Variants in GABRG2 observed in about 807,000 individuals in gnomAD.
GABRG2 encodes the protein gamma-aminobutyric acid receptor subunit gamma-2.
A neutral mutation model predicts 56.4 loss-of-function variants in GABRG2; 16 were observed. The observed-to-expected ratio is 0.28, with a 90% CI of 0.19 to 0.43. The LOEUF (loss-of-function observed/expected upper bound fraction) is 0.43. GABRG2 is among the 20% of genes least tolerant of loss of function. The probability of loss-of-function intolerance (pLI) is 1.00; values close to 1 mark genes in which losing one functional copy is unlikely to be tolerated. For missense variants in GABRG2, 327 were observed against 582.7 expected (o/e 0.56, Z 4.52); for synonymous variants, 208 against 205.5 (o/e 1.01, Z -0.10).
intron 6 of GABRG2, among the ~76,000 whole-genome samples, chr5:162,116,056 CCTGA>C (rs1308322555): frequency 6.6e-6 from 1 of 151,322 alleles, no homozygotes; most frequent in Non-Finnish European, 1.5e-5. Context: ...ACTCATCTTT[CCTGA>C]CTGACAGTCT....
intron 6 of GABRG2, among the ~76,000 whole-genome samples, chr5:162,120,093 G>A (rs558501033): frequency 6.6e-6 from 1 of 152,056 alleles, no homozygotes; most frequent in Non-Finnish European, 1.5e-5. Flanking sequence ...TACTTGAGCA[G>A]CCTTTGCTGA....
At chr5:162,117,480 T>C (rs573559152) in intron 6 of GABRG2, among the ~76,000 whole-genome samples, 20 of 152,274 alleles carry the variant, frequency 1.3e-4, no homozygotes, top group African/African-American at 4.8e-4. Context: ...CAGTCCTGTG[T>C]AAGAGGAAGA....
At chr5:162,072,251 AATATT>A (rs1361951776) in intron 1 of GABRG2, among the ~76,000 whole-genome samples, 1 of 151,916 alleles carries the variant, frequency 6.6e-6, no homozygotes, top group Non-Finnish European at 1.5e-5. Context: ...CTTTGCTATA[AATATT>A]ATGTTACTAG....
intron 8 of GABRG2, 21 bp from the exon 9 acceptor site, chr5:162,151,709 T>G (rs757290958): frequency 1.2e-6 from 2 of 1,602,604 alleles, no homozygotes; most frequent in Non-Finnish European, 1.7e-6. Context: ...GCAATTCTCT[T>G]TTCTGTCTAC....
At chr5:162,072,986 C>A (rs766833030) in intron 1 of GABRG2, among the ~76,000 whole-genome samples, 4 of 151,606 alleles carry the variant, frequency 2.6e-5, no homozygotes, top group Non-Finnish European at 5.9e-5. Context: ...GGGTCTCAAT[C>A]CATCAATAGT....
chr5:162,104,318 C>A (rs1052403253), intron 6 of GABRG2, among the ~76,000 whole-genome samples: 1 of 151,900 alleles, frequency 6.6e-6, no homozygotes, highest in Non-Finnish European at 1.5e-5. Flanking sequence ...ATTAGATGTA[C>A]CTGTTTTAGA....
intron 6 of GABRG2, among the ~76,000 whole-genome samples, chr5:162,111,986 A>G (rs1762284692): frequency 6.6e-6 from 1 of 152,124 alleles, no homozygotes; most frequent in African/African-American, 2.4e-5. Flanking sequence ...ATATCGTTTC[A>G]TTTTTCATAA....
chr5:162,147,842 G>A (rs767550927), intron 7 of GABRG2, among the ~76,000 whole-genome samples: 7 of 152,152 alleles, frequency 4.6e-5, no homozygotes, highest in African/African-American at 9.7e-5. Context: ...TAAAAGTTGG[G>A]ATTATTGCTT....
At chr5:162,088,442 G>C (rs1322284925) in intron 1 of GABRG2, among the ~76,000 whole-genome samples, 1 of 152,148 alleles carries the variant, frequency 6.6e-6, no homozygotes, top group Non-Finnish European at 1.5e-5. Flanking sequence ...AAATGAGGCA[G>C]ATGATCACAT....
intron 6 of GABRG2, among the ~76,000 whole-genome samples, chr5:162,126,013 A>T (rs1763320282): frequency 6.6e-6 from 1 of 151,996 alleles, no homozygotes; most frequent in African/African-American, 2.4e-5. Context: ...AGGGTGAATG[A>T]AATAGTATGG....
At chr5:162,149,833 C>A in intron 8 of GABRG2, 3 of 343,882 alleles carry the variant, frequency 8.7e-6, no homozygotes, top group South Asian at 6.9e-5. Context: ...AGGCTGGTCT[C>A]GAACTCCTGA....
At position 162,097,950 on chromosome 5, in the gene GABRG2, AG is replaced by A. The variant is rs1761122576; in HGVS notation, c.548+94del. On this transcript the variant is annotated intron_variant, in intron 4 of 9. Coordinates refer to ENST00000639213, the MANE Select transcript of GABRG2 (RefSeq NM_198904.4). ...TAAGTCTCTAAAAGAAAAAAAAAAA[AG>A]GAAATAAATTTCAAGACTGCATCAG... The A allele has an allele frequency of 5.5e-6, 6 of 1,097,184 alleles. No individual in the cohort carries two copies. In the African/African-American group the frequency reaches 6.4e-5, roughly 12 times the overall value. The allele number at this position is 1,097,184 out of a possible 1,614,324, so 68.0% of individuals were successfully genotyped here.
intron 6 of GABRG2, among the ~76,000 whole-genome samples, chr5:162,134,000 GTTTGTCA>G (rs1480702937): frequency 6.6e-6 from 1 of 152,118 alleles, no homozygotes; most frequent in African/African-American, 2.4e-5. Context: ...TGAAGGCTCT[GTTTGTCA>G]TTGAGGGCCC....
At chr5:162,068,303 T>A (rs1355453071) in intron 1 of GABRG2, among the ~76,000 whole-genome samples, 197 bp downstream of exon 1, 1 of 152,056 alleles carries the variant, frequency 6.6e-6, no homozygotes, top group Non-Finnish European at 1.5e-5. Flanking sequence ...TGTATTCATT[T>A]ATTGGATTTT....
chr5:162,103,992 A>G lies in GABRG2; in HGVS notation c.735A>G (p.Leu245=). The G allele has an allele frequency of 6.2e-7, 1 of 1,614,018 alleles. No individual in the cohort carries two copies. Among genetic ancestry groups the G allele is most frequent in the Non-Finnish European group, 8.5e-7 (1 of 1,179,934 alleles). The change falls in exon 6 of 10, where the codon CTA becomes CTG. Residue 245 remains leucine, a synonymous_variant. Coordinates refer to ENST00000639213, the MANE Select transcript of GABRG2 (RefSeq NM_198904.4). ...WRLYQFSFVG[L]RNTTEVVKTT... is the part of the protein sequence containing the mutation. ...TTTATCAATTCTCATTTGTTGGTCT[A>G]AGAAATACCACCGAAGTAGTGAAGA... is the stretch of plus-strand genomic sequence containing the variant.
intron 1 of GABRG2, among the ~76,000 whole-genome samples, chr5:162,084,693 T>C (rs977240221): frequency 6.6e-6 from 1 of 151,940 alleles, no homozygotes; most frequent in African/African-American, 2.4e-5. Flanking sequence ...ATTTGTAATA[T>C]GTTAGTCATC....
chr5:162,089,237 A>G (rs1044859314), intron 1 of GABRG2, among the ~76,000 whole-genome samples: 2 of 152,096 alleles, frequency 1.3e-5, no homozygotes, highest in African/African-American at 4.8e-5. Context: ...TCCAGAACTT[A>G]ATTAATTCTC....
intron 7 of GABRG2, among the ~76,000 whole-genome samples, chr5:162,145,936 T>G (rs1764920021): frequency 6.6e-6 from 1 of 152,216 alleles, no homozygotes; most frequent in Non-Finnish European, 1.5e-5. Flanking sequence ...AAATGATTTT[T>G]AGTTAAGAAA....
chr5:162,084,934 T>C (rs367734599), intron 1 of GABRG2, among the ~76,000 whole-genome samples: 4 of 151,868 alleles, frequency 2.6e-5, no homozygotes. Context: ...CAATAACAAG[T>C]ATAGTGTATA....
Sources: allele counts gnomAD v4.1 joint callset (sites outside exome capture counted in the v4.1 genomes callset), GRCh38; gene constraint gnomAD v4.1.1; transcripts MANE v1.5; gene names NCBI Gene and HGNC (gene_info 2026-07-23, HGNC 2026-07-21).